CFAP299: variants seen among roughly 807,000 people sequenced by gnomAD.
The protein encoded by CFAP299 is cilia and flagella associated protein 299.
Under a neutral mutation model 27.0 loss-of-function variants are expected in CFAP299, and 21 were observed. The ratio of observed to expected loss-of-function variants is 0.78; its 90% CI spans 0.55 to 1.12. The LOEUF is 1.12. CFAP299 is among the 50% of genes most tolerant of loss of function. The pLI is 0.00. For missense variants in CFAP299, 310 were observed against 276.6 expected, an observed-to-expected ratio of 1.12 and a Z score of -0.86; for synonymous variants, 104 against 98.1, an observed-to-expected ratio of 1.06 and a Z score of -0.36.
At chr4:80,364,242 A>G (rs1341511947) in intron 2 of CFAP299, among the ~76,000 whole-genome samples, 1 of 152,136 alleles carries the variant, frequency 6.6e-6, no homozygotes, top group African/African-American at 2.4e-5. Flanking sequence ...TGAGGATGCA[A>G]CTGCCTCCAT....
chr4:80,897,399 A>T (rs1244155972), intron 4 of CFAP299, among the ~76,000 whole-genome samples: 1 of 152,220 alleles, frequency 6.6e-6, no homozygotes, highest in Non-Finnish European at 1.5e-5. Context: ...AAATAAACAC[A>T]CAAACTATTA....
At chr4:80,651,531 A>T (rs988048773) in intron 3 of CFAP299, among the ~76,000 whole-genome samples, 1 of 151,426 alleles carries the variant, frequency 6.6e-6, no homozygotes, top group African/African-American at 2.4e-5. Flanking sequence ...ACACCTAGCT[A>T]ATTTTTTGAA....
At chr4:80,821,328 A>C (rs1729693682) in intron 3 of CFAP299, among the ~76,000 whole-genome samples, 1 of 152,186 alleles carries the variant, frequency 6.6e-6, no homozygotes, top group African/African-American at 2.4e-5. Flanking sequence ...AAAGGTTTTA[A>C]ATTTTAAAAG....
chr4:80,589,018 T>C (rs1736590903), intron 3 of CFAP299, among the ~76,000 whole-genome samples: 3 of 152,202 alleles, frequency 2.0e-5, no homozygotes. Flanking sequence ...TTAACCAGTA[T>C]GCAAATGAAC....
rs548463766 is a variant in CFAP299 at position 80,823,716 on chromosome 4, G to T, written c.334-46277G>T. ...TGCCTGGTACTACGTTAAGTACTCT[G>T]CATAGATATCATGTAACTGTTATAG... On this transcript the variant is annotated intron_variant, in intron 3 of 5. Transcript: ENST00000358105. 4.6e-5 allele frequency among the ~76,000 whole-genome samples: 7 copies of T among 152,210 alleles called. No individual in the cohort carries two copies. The South Asian group carries it at 1.5e-3, about 32-fold the overall frequency.
At chr4:80,860,612 G>A (rs548830337) in intron 3 of CFAP299, among the ~76,000 whole-genome samples, 1 of 152,302 alleles carries the variant, frequency 6.6e-6, no homozygotes, top group Non-Finnish European at 1.5e-5. Flanking sequence ...CTGTTTGTTA[G>A]TTTTCCTTCT....
At chr4:80,518,710 A>G (rs1732716800) in intron 2 of CFAP299, among the ~76,000 whole-genome samples, 1 of 152,172 alleles carries the variant, frequency 6.6e-6, no homozygotes, top group African/African-American at 2.4e-5. Flanking sequence ...GGGAAAGATA[A>G]CAGGATCATG....
At chr4:80,531,900 T>A (rs1224561976) in intron 2 of CFAP299, among the ~76,000 whole-genome samples, 1 of 151,998 alleles carries the variant, frequency 6.6e-6, no homozygotes, top group South Asian at 2.1e-4. Flanking sequence ...ATTACAGTCA[T>A]GCACCACCAT....
rs1733711774 is a variant in CFAP299, at chr4:80,535,754, T to C, written c.243-47339T>C. Among the ~76,000 whole-genome samples, 3 of 152,174 alleles carry C rather than the reference T, an allele frequency of 2.0e-5. No individual in the cohort carries two copies. In the South Asian group the frequency reaches 6.2e-4, roughly 32 times the overall value. On this transcript the variant is annotated intron_variant, in intron 2 of 5. Transcript: ENST00000358105. ...GTATGACTGAACCTTGCTCATGCCT[T>C]AGGCAATTAAGTAAAAATAGCTTTT...
intron 2 of CFAP299, among the ~76,000 whole-genome samples, chr4:80,522,261 T>G (rs902033134): frequency 1.3e-5 from 2 of 152,134 alleles, no homozygotes; most frequent in Non-Finnish European, 2.9e-5. Flanking sequence ...TTAGTGATGT[T>G]GAACATCTTT....
chr4:80,850,461 C>T (rs1262655459), intron 3 of CFAP299, among the ~76,000 whole-genome samples: 6 of 151,918 alleles, frequency 3.9e-5, no homozygotes, highest in Admixed American at 1.3e-4. Context: ...TCTTGGAAAA[C>T]TTTGAGGTTA....
intron 3 of CFAP299, among the ~76,000 whole-genome samples, chr4:80,622,319 C>A (rs796333185): frequency 3.3e-5 from 5 of 152,194 alleles, no homozygotes; most frequent in African/African-American, 1.2e-4. Flanking sequence ...CTGACCAATG[C>A]AGAGACATTT....
chr4:80,949,505 C>A (rs1261112143), intron 5 of CFAP299, among the ~76,000 whole-genome samples: 2 of 148,268 alleles, frequency 1.3e-5, no homozygotes, highest in Non-Finnish European at 3.0e-5. Context: ...CTAGATGCTC[C>A]CTAAAACTTA....
At chr4:80,776,969 C>T (rs900454901) in intron 3 of CFAP299, among the ~76,000 whole-genome samples, 1 of 151,252 alleles carries the variant, frequency 6.6e-6, no homozygotes, top group Non-Finnish European at 1.5e-5. Context: ...AAATCTCTTC[C>T]ACTCTAAACA....
chr4:80,448,114 G>C (rs897850383), intron 2 of CFAP299, among the ~76,000 whole-genome samples: 6 of 152,118 alleles, frequency 3.9e-5, no homozygotes, highest in Admixed American at 1.3e-4. Context: ...ACCCCACTTC[G>C]TGGCAATATT....
Position 80,575,247 on chromosome 4 carries a change from A to G in CFAP299, c.243-7846A>G, listed in dbSNP as rs566970897. 1.4e-4 allele frequency among the ~76,000 whole-genome samples: 22 copies of G among 152,114 alleles called. No homozygotes were observed. The East Asian group carries it at 4.3e-3, about 29-fold the overall frequency. ...CATGTGGGTTTTCCAATTTATTGGC[A>G]TAGAGTTACTCATAGTAGCCTCTAA... On this transcript the variant is annotated intron_variant, in intron 2 of 5. Coordinates refer to ENST00000358105, the MANE Select transcript of CFAP299 (RefSeq NM_152770.3).
intron 4 of CFAP299, among the ~76,000 whole-genome samples, chr4:80,877,201 A>C (rs183395373): frequency 2.0e-5 from 3 of 152,302 alleles, no homozygotes; most frequent in Admixed American, 1.3e-4. Flanking sequence ...GGTTCAAAAA[A>C]ATTTTGTAAT....
At chr4:80,435,911 A>G (rs930756697) in intron 2 of CFAP299, among the ~76,000 whole-genome samples, 26 of 152,334 alleles carry the variant, frequency 1.7e-4, no homozygotes, top group Admixed American at 1.1e-3. Flanking sequence ...ATTTTAGTTT[A>G]TAGGTTGTCA....
chr4:80,413,750 C>CTTTTTTTTTTTTTTTTTT (rs66780627), intron 2 of CFAP299, among the ~76,000 whole-genome samples: 1 of 108,310 alleles, frequency 9.2e-6, no homozygotes, highest in African/African-American at 3.5e-5. Context: ...TTGTGTCATT[C>CTTTTTTTTTTTTTTTTTT]TTTTTTTTTT....
Sources: allele counts gnomAD v4.1 joint callset (sites outside exome capture counted in the v4.1 genomes callset), GRCh38; gene constraint gnomAD v4.1.1; transcripts MANE v1.5; gene names NCBI Gene and HGNC (gene_info 2026-07-23, HGNC 2026-07-21).